AGRN: variants seen among roughly 807,000 people sequenced by gnomAD.
AGRN encodes the protein agrin proteoglycan.
Under a neutral mutation model 211.0 loss-of-function variants are expected in AGRN, and 106 were observed. The ratio of observed to expected loss-of-function variants is 0.50; its 90% CI spans 0.43 to 0.59. The LOEUF (loss-of-function observed/expected upper bound fraction) is 0.59, where lower values mean the gene tolerates loss of function less well. AGRN is among the 20% of genes least tolerant of loss of function. AGRN has a pLI of 0.00. For synonymous variants in AGRN, 1,525 were observed against 1,332.5 expected (o/e 1.14, Z -3.15); for missense variants, 3,040 against 2,982.6 (o/e 1.02, Z -0.45).
In AGRN at chr1:1,043,828, T is replaced by C. The variant is rs1436994948; in HGVS notation, c.1804T>C (p.Cys602Arg). The change falls in exon 10 of 36, where the codon TGT becomes CGT. Residue 602 changes from cysteine to arginine, a missense_variant. Cys to Arg is a radical substitution (Grantham distance 180). Transcript: ENST00000379370. ...CCTGGCTCTGTCTCCTGCAGAGACC[T>C]GTGGAGATGCCGTGTGTGCTTTTGG... is the stretch of plus-strand genomic sequence containing the variant. ...HVASAGPCET[C>R]GDAVCAFGAV... 2 of 1,610,888 alleles carry C rather than the reference T, an allele frequency of 1.2e-6. No individual in the cohort carries two copies. The highest frequency in any genetic ancestry group is 4.5e-5 in the East Asian group (2 of 44,878).
At position 1,040,853 on chromosome 1, in the gene AGRN, A is replaced by G. The variant is rs1644910909; in HGVS notation, c.700A>G (p.Ile234Val). 2 of 1,529,588 alleles carry G rather than the reference A, an allele frequency of 1.3e-6. No homozygotes were observed. Among genetic ancestry groups the G allele is most frequent in the Non-Finnish European group, 1.7e-6 (2 of 1,144,736 alleles). 94.8% of individuals were successfully genotyped at this position (1,529,588 alleles called of 1,614,324 possible). The change falls in exon 4 of 36, where the codon ATC (isoleucine) becomes GTC (valine). Residue 234 changes from isoleucine (I) to valine (V), a missense_variant. Ile to Val is a conservative substitution (Grantham distance 29). Around this residue, in one of 3 missense-constraint regions of AGRN, gnomAD observed 1,498 missense variants for 1,457.8 expected, o/e 1.03. Coordinates refer to ENST00000379370, the MANE Select transcript of AGRN (RefSeq NM_198576.4). The stretch of plus-strand genomic sequence containing the variant: ...GGCGCAGTGCAGCCAGCAGCGCCGC[A>G]TCCGCCTGCTCAGCCGCGGGCCGTG... ...QRAQCSQQRR[I>V]RLLSRGPCGS...
Position 1,042,444 on chromosome 1 carries a change from T to C in AGRN, c.1384+282T>C, listed in dbSNP as rs1177226645. Among the ~76,000 whole-genome samples the C allele has an allele frequency of 1.3e-5, 2 of 152,148 alleles. 1 individual carries two copies. Among genetic ancestry groups the C allele is most frequent in the Admixed American group, 1.3e-4 (2 of 15,280 alleles). On this transcript the variant is annotated intron_variant, in intron 7 of 35. Transcript: ENST00000379370. ...CTGGCCTGTCCGCATGTCTCCACGC[T>C]GTAAGCACAGGCTGTTGGGGTGGGC...
rs779950946 is a variant in AGRN, at chr1:1,041,614, C to T, written c.1089C>T (p.Thr363=). 1.1e-5 allele frequency: 18 copies of T among 1,611,306 alleles called. No homozygotes were observed. The highest frequency in any genetic ancestry group is 1.1e-5 in the South Asian group (1 of 91,016). Residue 363 remains threonine, a synonymous_variant, in exon 6 of 36, where the codon ACC becomes ACT. Transcript: ENST00000379370. ...QAPVCGDDGV[T]YENDCVMGRS... Reference sequence around the variant, plus strand: ...CAGTGTGTGGGGACGACGGAGTCACCTACGAAAACGACTGTGTCATGGGCC... The same window carrying T: ...CAGTGTGTGGGGACGACGGAGTCACTTACGAAAACGACTGTGTCATGGGCC...
intron 26 of AGRN, 48 bp downstream of exon 26, chr1:1,049,843 G>T: frequency 6.2e-7 from 1 of 1,611,140 alleles, no homozygotes; most frequent in Non-Finnish European, 8.5e-7. Flanking sequence ...GGGGCCTGTG[G>T]GCGGTACCCA....
intron 2 of AGRN, among the ~76,000 whole-genome samples, chr1:1,026,991 G>A (rs1644534031): frequency 6.6e-6 from 1 of 152,174 alleles, no homozygotes; most frequent in Non-Finnish European, 1.5e-5. Flanking sequence ...GGTCTCTAGC[G>A]GAGCCTGCAG....
chr1:1,054,677 C>A, intron 35 of AGRN, 126 bp downstream of exon 35: 1 of 1,482,880 alleles, frequency 6.7e-7, no homozygotes, highest in Non-Finnish European at 9.1e-7. Flanking sequence ...GGGCTCTCTT[C>A]TCCCGCTGTA....
Position 1,043,591 on chromosome 1 carries a change from T to C in AGRN, c.1657T>C (p.Cys553Arg), listed in dbSNP as rs778071200. 6.2e-7 allele frequency: 1 copy of C among 1,605,098 alleles called. No individual in the cohort carries two copies. Among genetic ancestry groups the C allele is most frequent in the Admixed American group, 1.7e-5 (1 of 60,000 alleles). The change falls in exon 9 of 36, where the codon TGC becomes CGC. Residue 553 changes from cysteine to arginine, a missense_variant. Coordinates refer to ENST00000379370, the MANE Select transcript of AGRN (RefSeq NM_198576.4). ...CCTGTGCGAGGCCGAGACCGGGCGCTGCGTGTGCCCCTCTGAATGCGTGGC... is the reference window on the plus strand; with the variant it reads ...CCTGTGCGAGGCCGAGACCGGGCGCCGCGTGTGCCCCTCTGAATGCGTGGC... Reference protein sequence around the residue: ...GALCEAETGRCVCPSECVALA... With the variant: ...GALCEAETGRRVCPSECVALA...
chr1:1,027,531 C>T (rs972615331), intron 2 of AGRN, among the ~76,000 whole-genome samples: 5 of 152,240 alleles, frequency 3.3e-5, no homozygotes, highest in Non-Finnish European at 7.3e-5. Flanking sequence ...GCGTCCAGCA[C>T]GCTGCCCCGT....
rs35058534 is a variant in AGRN at position 1,027,032 on chromosome 1, T to TC, written c.463+4576dup. Among the ~76,000 whole-genome samples, 276 of 151,912 alleles carry TC rather than the reference T, an allele frequency of 1.8e-3. 2 individuals carry two copies. Among genetic ancestry groups the TC allele is most frequent in the African/African-American group, 6.5e-3 (268 of 41,450 alleles). On this transcript the variant is annotated intron_variant, in intron 2 of 35. Transcript: ENST00000379370. The stretch of plus-strand genomic sequence containing the variant: ...AGGGAAGCCCCCCCGAAGGGGCCTC[T>TC]CCCCCCAGCACAGATCCTGGGAACT...
chr1:1,035,172 G>C (rs1459248134), intron 2 of AGRN, 105 bp from the exon 3 acceptor site: 27 of 418,726 alleles, frequency 6.4e-5, no homozygotes, highest in Admixed American at 2.7e-4. Context: ...CTAGCGGTGG[G>C]GGGGGGGGGG....
At chr1:1,039,386 C>T (rs1644874587) in intron 3 of AGRN, among the ~76,000 whole-genome samples, 1 of 134,958 alleles carries the variant, frequency 7.4e-6, no homozygotes, top group Non-Finnish European at 1.6e-5. Flanking sequence ...GCTCCAGCTC[C>T]CAGTGCACCC....
At chr1:1,037,336 T>A (rs1036784663) in intron 3 of AGRN, among the ~76,000 whole-genome samples, 1 of 152,120 alleles carries the variant, frequency 6.6e-6, no homozygotes, top group African/African-American at 2.4e-5. Flanking sequence ...CACTGCCCCC[T>A]TCACCTGGCC....
chr1:1,043,501 G>A (rs1645004209), intron 8 of AGRN, 37 bp from the exon 9 acceptor site: 1 of 1,601,964 alleles, frequency 6.2e-7, no homozygotes, highest in Admixed American at 1.7e-5. Context: ...GGGAGAGAGA[G>A]GTTCCTGGTC....
chr1:1,040,871 G>A lies in AGRN; in HGVS notation c.718G>A (p.Gly240Arg), dbSNP rs754282794. Reference sequence around the variant, plus strand: ...GCGCCGCATCCGCCTGCTCAGCCGCGGGCCGTGCGGTGAGCGGGGCGGGGC... The same window carrying A: ...GCGCCGCATCCGCCTGCTCAGCCGCAGGCCGTGCGGTGAGCGGGGCGGGGC... Reference protein sequence around the residue: ...QQRRIRLLSRGPCGSRDPCSN... With the variant: ...QQRRIRLLSRRPCGSRDPCSN... The change falls in exon 4 of 36, where the codon GGG becomes AGG. Residue 240 changes from glycine to arginine, a missense_variant. Physicochemically the swap from Gly to Arg is moderately radical, Grantham distance 125 (BLOSUM62 -2). Transcript: ENST00000379370. The A allele has an allele frequency of 4.0e-6, 6 of 1,517,022 alleles. No individual in the cohort carries two copies. The highest frequency in any genetic ancestry group is 2.6e-6 in the Non-Finnish European group (3 of 1,140,180). 94.0% of individuals were successfully genotyped at this position (1,517,022 alleles called of 1,614,324 possible).
rs151104255 is a variant in AGRN at position 1,050,557 on chromosome 1, C to G, written c.5107C>G (p.Arg1703Gly). 1 of 1,612,340 alleles carries G rather than the reference C, an allele frequency of 6.2e-7. No individual in the cohort carries two copies. Among genetic ancestry groups the G allele is most frequent in the Admixed American group, 1.7e-5 (1 of 59,994 alleles). The change falls in exon 29 of 36, where the codon CGC becomes GGC. Residue 1703 changes from arginine (R) to glycine (G), a missense_variant. Physicochemically the swap from Arg to Gly is moderately radical, Grantham distance 125. Coordinates refer to ENST00000379370, the MANE Select transcript of AGRN (RefSeq NM_198576.4). The stretch of plus-strand genomic sequence containing the variant: ...ACTGCGGGACCGCCGCCTGGAGTTC[C>G]GCTACGACCTGGGCAAGGGGGCAGC... ...LALRDRRLEF[R>G]YDLGKGAAVI...
Position 1,042,044 on chromosome 1 carries a change from C to T in AGRN, c.1266C>T (p.Asp422=), listed in dbSNP as rs771165998. Residue 422 remains aspartate (D), a synonymous_variant, in exon 7 of 36, where the codon GAC becomes GAT. Coordinates refer to ENST00000379370, the MANE Select transcript of AGRN (RefSeq NM_198576.4). The stretch of plus-strand genomic sequence containing the variant: ...GCTCCTGCGACCGCGTCACCTGTGA[C>T]GGGGCCTACAGGCCCGTGTGTGCCC... ...PRCSCDRVTC[D]GAYRPVCAQD... is the part of the protein sequence containing the mutation. 54 of 1,609,186 alleles carry T rather than the reference C, an allele frequency of 3.4e-5. No individual in the cohort carries two copies. Among genetic ancestry groups the T allele is most frequent in the South Asian group, 6.6e-5 (6 of 91,050 alleles).
intron 27 of AGRN, 94 bp downstream of exon 27, chr1:1,050,131 C>A: frequency 6.3e-7 from 1 of 1,587,688 alleles, no homozygotes; most frequent in Non-Finnish European, 8.6e-7. Context: ...TAGGATGCGG[C>A]TCAGTCTAGT....
chr1:1,042,397 C>T (rs937816109), intron 7 of AGRN, among the ~76,000 whole-genome samples: 2 of 152,172 alleles, frequency 1.3e-5, no homozygotes, highest in African/African-American at 4.8e-5. Flanking sequence ...CTGACCTCAG[C>T]CACGCCCTCC....
chr1:1,047,817 C>T lies in AGRN; in HGVS notation c.3673C>T (p.Arg1225Trp), dbSNP rs754771889. 98 of 1,603,206 alleles carry T rather than the reference C, an allele frequency of 6.1e-5. No individual in the cohort carries two copies. The highest frequency in any genetic ancestry group is 1.1e-4 in the African/African-American group (8 of 74,686). Reference protein sequence around the residue: ...RAPDVARALLRQIQVSRRRSL... With the variant: ...RAPDVARALLWQIQVSRRRSL... Reference sequence around the variant, plus strand: ...ACCCGACGTGGCCCGGGCCCTGCTCCGGCAGATCCAGGTGTCCAGGCGCCG... The same window carrying T: ...ACCCGACGTGGCCCGGGCCCTGCTCTGGCAGATCCAGGTGTCCAGGCGCCG... Residue 1225 changes from arginine (R) to tryptophan (W), a missense_variant, in exon 22 of 36, where the codon CGG becomes TGG. Around this residue, in one of 3 missense-constraint regions of AGRN, gnomAD observed 1,537 missense variants for 1,505.0 expected, o/e 1.02. Transcript: ENST00000379370.
Sources: gnomAD v4.1 joint callset for allele counts (sites outside exome capture counted in the v4.1 genomes callset) on GRCh38, gnomAD v4.1.1 for gene constraint, gnomAD v4.1.1 regional missense constraint, MANE v1.5 for transcripts, NCBI Gene and HGNC (gene_info 2026-07-23, HGNC 2026-07-21) for gene names.